TEX15: variants seen among roughly 807,000 people sequenced by gnomAD.
TEX15 encodes testis-expressed protein 15.
In TEX15, 171 loss-of-function variants were observed where a neutral mutation model predicts 237.3. That is an observed-to-expected ratio of 0.72 (90% CI 0.64 to 0.82). The LOEUF (loss-of-function observed/expected upper bound fraction) is 0.82. Among genes scored for constraint, TEX15 ranks in the 40% least tolerant of loss-of-function variants. The pLI, the probability that TEX15 is intolerant of heterozygous loss-of-function variation, is 0.00. For synonymous variants in TEX15, 1,338 were observed against 1,269.8 expected, an observed-to-expected ratio of 1.05 and a Z score of -1.14; for missense variants, 3,750 against 3,646.5, an observed-to-expected ratio of 1.03 and a Z score of -0.73.
chr8:30,841,967 G>A (rs772571695), intron 8 of TEX15, 37 bp downstream of exon 8: 2 of 1,412,614 alleles, frequency 1.4e-6, no homozygotes, highest in Admixed American at 2.5e-5. Context: ...TTTTCAAAAA[G>A]AATACTTATA....
chr8:30,845,475 A>G lies in TEX15; in HGVS notation c.4692T>C (p.Asp1564=), dbSNP rs1362912. The change falls in exon 8 of 11, where the codon GAT becomes GAC. Residue 1564 remains aspartate (D), a synonymous_variant. Transcript: ENST00000643185. ...GATTTTCTTTTTCTATTAGTTTCTCATCTGAGTGGTCTGGGGAAAACAGAT... is the reference window on the plus strand; with the variant it reads ...GATTTTCTTTTTCTATTAGTTTCTCGTCTGAGTGGTCTGGGGAAAACAGAT... ...TAYLFSPDHS[D]EKLIEKENQI... 99,249 of 1,613,292 alleles carry G rather than the reference A, an allele frequency of 0.062. 4,723 individuals are homozygous for G. The highest frequency in any genetic ancestry group is 0.26 in the Admixed American group (15,286 of 59,902).
chr8:30,840,004 G>A (rs1305688757), intron 8 of TEX15, 40 bp from the exon 9 acceptor site: 4 of 1,200,578 alleles, frequency 3.3e-6, no homozygotes, highest in African/African-American at 3.1e-5. Context: ...CATTAGTGAT[G>A]ACAAACTATA....
chr8:30,893,292 T>C (rs1354019907), intron 2 of TEX15, among the ~76,000 whole-genome samples: 6 of 152,216 alleles, frequency 3.9e-5, no homozygotes, highest in Non-Finnish European at 7.3e-5. Context: ...CCAGAGTGAA[T>C]GCACTCAATC....
At position 30,836,956 on chromosome 8, in the gene TEX15, C is replaced by A; in HGVS notation, c.9328G>T (p.Val3110Leu). 1.2e-6 allele frequency: 2 copies of A among 1,614,126 alleles called. No individual in the cohort carries two copies. The highest frequency in any genetic ancestry group is 1.6e-4 in the Middle Eastern group (1 of 6,062). Residue 3110 changes from valine (V) to leucine (L), a missense_variant, in exon 10 of 11, where the codon GTG becomes TTG. Physicochemically the swap from Val to Leu is conservative, Grantham distance 32. Coordinates refer to ENST00000643185, the MANE Select transcript of TEX15 (RefSeq NM_001350162.2). ...GATTGAAAATACCCATTCACTGGCA[C>A]AAAGCCATTTGCTTGTGGCTCCCCC... ...FAGEPQANGF[V>L]PVNGYFQSQI...
intron 4 of TEX15, among the ~76,000 whole-genome samples, chr8:30,867,818 G>A (rs1489071224): frequency 6.6e-6 from 1 of 152,020 alleles, no homozygotes. Flanking sequence ...AACTTCCCAA[G>A]AAGTTTTTAT....
chr8:30,860,563 CTTT>C (rs35815726), intron 5 of TEX15, among the ~76,000 whole-genome samples: 6 of 127,030 alleles, frequency 4.7e-5, no homozygotes, highest in African/African-American at 2.9e-5. Context: ...AGAGAATCTA[CTTT>C]TTTTTTTTTT....
rs190012512 is a variant in TEX15, at chr8:30,846,287, C to T, written c.3880G>A (p.Glu1294Lys). 158 of 1,613,226 alleles carry T rather than the reference C, an allele frequency of 9.8e-5. No homozygotes were observed. Among genetic ancestry groups the T allele is most frequent in the Non-Finnish European group, 1.1e-5 (13 of 1,179,658 alleles). The change falls in exon 8 of 11, where the codon GAG becomes AAG. Residue 1294 changes from glutamate (E) to lysine (K), a missense_variant. Physicochemically the swap from Glu to Lys is moderately conservative, Grantham distance 56. Transcript: ENST00000643185. Reference protein sequence around the residue: ...TDYNDTKNKKEVESRISKRKL... With the variant: ...TDYNDTKNKKKVESRISKRKL... Reference sequence around the variant, plus strand: ...CTTTTGCTAATTCTTGATTCTACCTCCTTTTTATTTTTGGTATCATTATAG... The same window carrying T: ...CTTTTGCTAATTCTTGATTCTACCTTCTTTTTATTTTTGGTATCATTATAG...
At chr8:30,840,283 C>T (rs1164615635) in intron 8 of TEX15, among the ~76,000 whole-genome samples, 2 of 152,180 alleles carry the variant, frequency 1.3e-5, no homozygotes, top group South Asian at 2.1e-4. Flanking sequence ...GCAACCTCCG[C>T]CTACTGGGTG....
Position 30,845,912 on chromosome 8 carries a change from T to C in TEX15, c.4255A>G (p.Ile1419Val). 2 of 1,613,434 alleles carry C rather than the reference T, an allele frequency of 1.2e-6. No individual in the cohort carries two copies. Among genetic ancestry groups the C allele is most frequent in the South Asian group, 2.2e-5 (2 of 91,014 alleles). Residue 1419 changes from isoleucine to valine, a missense_variant, in exon 8 of 11, where the codon ATA (isoleucine) becomes GTA (valine). Transcript: ENST00000643185. The part of the protein sequence containing the change: ...KGPLPKSYAI[I>V]CNNFWESCDL... Reference sequence around the variant, plus strand: ...CAACTTTCCCAGAAATTATTGCATATTATTGCATATGATTTTGGTAATGGG... The same window carrying C: ...CAACTTTCCCAGAAATTATTGCATACTATTGCATATGATTTTGGTAATGGG...
Position 30,848,498 on chromosome 8 carries a change from T to G in TEX15, c.1669A>C (p.Ser557Arg). 6.2e-7 allele frequency: 1 copy of G among 1,614,162 alleles called. No individual in the cohort carries two copies. The highest frequency in any genetic ancestry group is 2.2e-5 in the East Asian group (1 of 44,880). Residue 557 changes from serine (S) to arginine (R), a missense_variant, in exon 8 of 11, where the codon AGT becomes CGT. Coordinates refer to ENST00000643185, the MANE Select transcript of TEX15 (RefSeq NM_001350162.2). Reference sequence around the variant, plus strand: ...TGGGCTCTCTGAGCCTTCTCCTCACTGTGGTTTTGGTTCTCAACCTCTGAC... The same window carrying G: ...TGGGCTCTCTGAGCCTTCTCCTCACGGTGGTTTTGGTTCTCAACCTCTGAC... ...VVSEVENQNH[S>R]EEKAQRAQQE...
chr8:30,869,614 C>T (rs925022850), intron 4 of TEX15, among the ~76,000 whole-genome samples: 13 of 151,986 alleles, frequency 8.6e-5, no homozygotes, highest in African/African-American at 2.9e-4. Flanking sequence ...CCTCCCTTTC[C>T]TTCTACCAAT....
Position 30,842,409 on chromosome 8 carries a change from G to A in TEX15, c.7758C>T (p.Tyr2586=). 6.2e-7 allele frequency: 1 copy of A among 1,613,656 alleles called. No homozygotes were observed. Among genetic ancestry groups the A allele is most frequent in the Non-Finnish European group, 8.5e-7 (1 of 1,179,802 alleles). The part of the protein sequence containing the change: ...NYGSTVTELE[Y]NYNQFSTLLK... ...GCAGTGTAGAAAATTGATTGTAGTT[G>A]TATTCTAACTCTGTCACAGTGCTTC... Residue 2586 remains tyrosine (Y), a synonymous_variant, in exon 8 of 11, where the codon TAC becomes TAT. Transcript: ENST00000643185.
rs1387656879 is a variant in TEX15 at position 30,874,988 on chromosome 8, TC to T, written c.250del (p.Asp84IlefsTer38). 1.4e-6 allele frequency: 2 copies of T among 1,383,744 alleles called. No individual in the cohort carries two copies. The highest frequency in any genetic ancestry group is 9.4e-7 in the Non-Finnish European group (1 of 1,068,308). 85.7% of individuals were successfully genotyped at this position (1,383,744 alleles called of 1,614,324 possible). ...TTCCTCATTGTGAACCAGTTTTGTA[TC>T]CCCAAACTGCCATAACGACTGCAGA... The part of the protein sequence containing the change: ...CDLQSLWQFG[D>X]TKLVHNEELE... On this transcript the variant is annotated frameshift_variant, in exon 4 of 11. Transcript: ENST00000643185. LOFTEE classifies it high-confidence loss of function.
chr8:30,863,925 AT>A (rs1808103159), intron 5 of TEX15, among the ~76,000 whole-genome samples: 1 of 148,094 alleles, frequency 6.8e-6, no homozygotes, highest in Non-Finnish European at 1.5e-5. Flanking sequence ...ATCACCAGGC[AT>A]GTAAAGAAAC....
At chr8:30,903,362 A>T (rs1358754933) in intron 1 of TEX15, among the ~76,000 whole-genome samples, 4 of 152,170 alleles carry the variant, frequency 2.6e-5, no homozygotes, top group African/African-American at 9.7e-5. Flanking sequence ...GAAAAATCAA[A>T]GTTAAGGGGC....
chr8:30,863,308 G>A (rs1049706988), intron 5 of TEX15, among the ~76,000 whole-genome samples: 4 of 152,068 alleles, frequency 2.6e-5, no homozygotes, highest in African/African-American at 9.7e-5. Context: ...TTGGATTAGG[G>A]ATGCTAAACC....
chr8:30,847,973 C>T lies in TEX15; in HGVS notation c.2194G>A (p.Glu732Lys). 1.2e-6 allele frequency: 2 copies of T among 1,613,974 alleles called. No individual in the cohort carries two copies. The highest frequency in any genetic ancestry group is 8.5e-7 in the Non-Finnish European group (1 of 1,179,944). ...GCTAAACTTGTATGAATGTTACCCT[C>T]ATACTCCACAGAGTGCTGAGGATGC... ...QKHPQHSVEYEGNIHTSLAIA... is the reference protein window; with the variant it reads ...QKHPQHSVEYKGNIHTSLAIA... The change falls in exon 8 of 11, where the codon GAG (glutamate) becomes AAG (lysine). Residue 732 changes from glutamate (E) to lysine (K), a missense_variant. Transcript: ENST00000643185.
chr8:30,895,768 C>A lies in TEX15; in HGVS notation c.-10+2974G>T, dbSNP rs186163564. On this transcript the variant is annotated intron_variant, in intron 2 of 10. Transcript: ENST00000643185. ...CGATCTCGGCTCACTGTAACCTCTG[C>A]CTCTCAGGTTCAAGCAATTCCCCTG... Among the ~76,000 whole-genome samples, 18 of 145,200 alleles carry A rather than the reference C, an allele frequency of 1.2e-4. No individual in the cohort carries two copies. In the East Asian group the frequency reaches 3.6e-3, roughly 29 times the overall value.
rs1807552650 is a variant in TEX15 at position 30,844,714 on chromosome 8, G to C, written c.5453C>G (p.Ser1818Cys). 6.2e-7 allele frequency: 1 copy of C among 1,612,978 alleles called. No homozygotes were observed. Among genetic ancestry groups the C allele is most frequent in the Non-Finnish European group, 8.5e-7 (1 of 1,179,576 alleles). The change falls in exon 8 of 11, where the codon TCT becomes TGT. Residue 1818 changes from serine to cysteine, a missense_variant. Ser to Cys is a moderately radical substitution (Grantham distance 112). Transcript: ENST00000643185. ...NIVELSSSDS[S>C]LLLKDNVKGS... is the part of the protein sequence containing the mutation. Reference sequence around the variant, plus strand: ...TTTTACATTATCTTTTAAAAGCAGAGAACTATCACTGGAAGATAATTCCAC... The same window carrying C: ...TTTTACATTATCTTTTAAAAGCAGACAACTATCACTGGAAGATAATTCCAC...
Sources: allele counts gnomAD v4.1 joint callset (sites outside exome capture counted in the v4.1 genomes callset), GRCh38; gene constraint gnomAD v4.1.1; transcripts MANE v1.5; gene names NCBI Gene and HGNC (gene_info 2026-07-23, HGNC 2026-07-21).